Variants in ZNF536 observed in about 807,000 individuals in gnomAD.
ZNF536 encodes zinc finger protein 536.
ZNF536 carries 13 observed loss-of-function variants against 84.5 expected under a neutral mutation model. The observed-to-expected ratio is 0.15, with a 90% CI of 0.10 to 0.24. ZNF536 has a LOEUF of 0.24. Among genes scored for constraint, ZNF536 ranks in the 10% least tolerant of loss-of-function variants. The pLI, the probability that ZNF536 is intolerant of heterozygous loss-of-function variation, is 1.00. For synonymous variants in ZNF536, 811 were observed against 742.5 expected, an observed-to-expected ratio of 1.09 and a Z score of -1.50; for missense variants, 1,536 against 1,747.5, an observed-to-expected ratio of 0.88 and a Z score of 2.16.
intron 1 of ZNF536, among the ~76,000 whole-genome samples, chr19:30,379,424 T>C (rs2048937096): frequency 6.6e-6 from 1 of 152,018 alleles, no homozygotes; most frequent in South Asian, 2.1e-4. Context: ...TGATGTCTTC[T>C]CCACTGAGCC....
intron 2 of ZNF536, among the ~76,000 whole-genome samples, chr19:30,502,013 G>T (rs1276723121): frequency 6.6e-6 from 1 of 152,198 alleles, no homozygotes; most frequent in Non-Finnish European, 1.5e-5. Context: ...GAAACAAGGT[G>T]AGGGAAAGCA....
chr19:30,391,686 T>G (rs2049597302), intron 1 of ZNF536, among the ~76,000 whole-genome samples: 2 of 147,170 alleles, frequency 1.4e-5, no homozygotes, highest in Admixed American at 7.0e-5. Flanking sequence ...CACAGAGCGA[T>G]CTGAGAAAGA....
At chr19:30,647,482 C>G (rs2049520042) in intron 1 of ZNF536, among the ~76,000 whole-genome samples, 1 of 152,196 alleles carries the variant, frequency 6.6e-6, no homozygotes, top group Non-Finnish European at 1.5e-5. Flanking sequence ...TAATTTCTTT[C>G]TCACCTGTTC....
chr19:30,586,340 G>A lies in ZNF536; in HGVS notation c.169+36826G>A, dbSNP rs568087107. 3.2e-4 allele frequency among the ~76,000 whole-genome samples: 48 copies of A among 152,350 alleles called. 1 individual carries two copies. In the South Asian group the frequency reaches 9.7e-3, roughly 31 times the overall value. On this transcript the variant is annotated intron_variant, in intron 1 of 1. Transcript: ENST00000592773. ...CATAAATGGGTCCCAGCATGCGCTG[G>A]TTAGTGAGAATGTGCGGCCACCATG...
rs552191696 is a variant in ZNF536, at chr19:30,697,442, T to C, written c.170-13315T>C. On this transcript the variant is annotated intron_variant, in intron 1 of 1. Coordinates refer to the ZNF536 transcript ENST00000592773. ...GCACGTAGTAGGTGGAGTATTTTAA[T>C]ACTTACAGCCTTTTCTAGCAGACAT... Among the ~76,000 whole-genome samples the C allele has an allele frequency of 2.0e-5, 3 of 152,364 alleles. No homozygotes were observed. In the South Asian group the frequency reaches 6.2e-4, roughly 32 times the overall value.
At chr19:30,664,482 A>G (rs2050246532) in intron 1 of ZNF536, among the ~76,000 whole-genome samples, 1 of 152,114 alleles carries the variant, frequency 6.6e-6, no homozygotes, top group Non-Finnish European at 1.5e-5. Flanking sequence ...AGCAACAGGC[A>G]CTGGTCAGAT....
intron 1 of ZNF536, among the ~76,000 whole-genome samples, chr19:30,617,333 CTTT>C (rs556835599): frequency 8.5e-4 from 32 of 37,692 alleles, no homozygotes; most frequent in South Asian, 2.2e-3. Context: ...GAATAGCTTA[CTTT>C]TTTTTTTTTT....
At chr19:30,457,929 G>C (rs544877197) in intron 2 of ZNF536, among the ~76,000 whole-genome samples, 7 of 152,160 alleles carry the variant, frequency 4.6e-5, no homozygotes, top group African/African-American at 1.4e-4. Flanking sequence ...TCGTGGATAC[G>C]GCCCCTCTTC....
chr19:30,466,886 G>A (rs1421755351), intron 2 of ZNF536, among the ~76,000 whole-genome samples: 1 of 152,102 alleles, frequency 6.6e-6, no homozygotes, highest in African/African-American at 2.4e-5. Flanking sequence ...TGTTGCCTAG[G>A]CTAGAGTGCA....
chr19:30,235,247 T>C (rs2023400553), intron 1 of ZNF536, among the ~76,000 whole-genome samples: 2 of 152,210 alleles, frequency 1.3e-5, no homozygotes, highest in Admixed American at 6.5e-5. Flanking sequence ...TTGCTGCCCA[T>C]GCCTGTGGCA....
chr19:30,693,024 G>C (rs936545569), intron 1 of ZNF536, among the ~76,000 whole-genome samples: 172 of 125,864 alleles, frequency 1.4e-3, no homozygotes, highest in African/African-American at 5.0e-3. Flanking sequence ...ACCTGGGGGG[G>C]AGAGAGAGAG....
chr19:30,505,277 C>A lies in ZNF536; in HGVS notation c.2171-29570C>A, dbSNP rs1313879256. Among the ~76,000 whole-genome samples, 6 of 146,074 alleles carry A rather than the reference C, an allele frequency of 4.1e-5. 1 individual carries two copies. Among genetic ancestry groups the A allele is most frequent in the African/African-American group, 1.5e-4 (6 of 40,168 alleles). On this transcript the variant is annotated intron_variant, in intron 2 of 4. Transcript: ENST00000355537. ...TATATAATACATTACATATTATATA[C>A]TAATAAATATTCTATAAATATATGT...
At chr19:30,342,393 T>G (rs1460142807) in intron 2 of ZNF536, among the ~76,000 whole-genome samples, 2 of 152,146 alleles carry the variant, frequency 1.3e-5, no homozygotes. Context: ...TAAAAAGATA[T>G]TTTCTTGAGA....
chr19:30,271,767 G>T (rs180699345), intron 1 of ZNF536, among the ~76,000 whole-genome samples: 51 of 152,312 alleles, frequency 3.3e-4, no homozygotes, highest in Admixed American at 5.9e-4. Flanking sequence ...CACCTTGTGA[G>T]GTGGAAACGG....
At chr19:30,637,897 T>A (rs1044159344) in intron 1 of ZNF536, among the ~76,000 whole-genome samples, 1 of 152,126 alleles carries the variant, frequency 6.6e-6, no homozygotes, top group South Asian at 2.1e-4. Context: ...CGAGGGTTTT[T>A]TTGCAAAGCT....
At chr19:30,607,353 C>T (rs2047937356) in intron 1 of ZNF536, among the ~76,000 whole-genome samples, 1 of 152,008 alleles carries the variant, frequency 6.6e-6, no homozygotes, top group Admixed American at 6.5e-5. Flanking sequence ...TTATTATTCT[C>T]ATTGTTAATT....
chr19:30,370,247 C>G (rs533187251), upstream of ZNF536, among the ~76,000 whole-genome samples: 1 of 152,138 alleles, frequency 6.6e-6, no homozygotes, highest in African/African-American at 2.4e-5. Flanking sequence ...GAGTGCTATA[C>G]TTTTTAGGGG....
At chr19:30,343,015 G>A (rs1259859746) in intron 2 of ZNF536, among the ~76,000 whole-genome samples, 1 of 152,182 alleles carries the variant, frequency 6.6e-6, no homozygotes, top group East Asian at 1.9e-4. Flanking sequence ...GCCAGGTGAT[G>A]GTCTGGCTGC....
Position 30,652,173 on chromosome 19 carries a change from A to C in ZNF536, c.170-58584A>C, listed in dbSNP as rs575670883. On this transcript the variant is annotated intron_variant, in intron 1 of 1. Transcript: ENST00000592773. The stretch of plus-strand genomic sequence containing the variant: ...TTTTAATGTTCATTATAAAATATGA[A>C]ATATTTCTCAGAACCATTGCAATTA... Among the ~76,000 whole-genome samples the C allele has an allele frequency of 4.6e-5, 7 of 152,346 alleles. No individual in the cohort carries two copies. In the East Asian group the frequency reaches 1.3e-3, roughly 29 times the overall value.
Sources: gnomAD v4.1 joint callset for allele counts (sites outside exome capture counted in the v4.1 genomes callset) on GRCh38, gnomAD v4.1.1 for gene constraint, MANE v1.5 for transcripts, NCBI Gene and HGNC (gene_info 2026-07-23, HGNC 2026-07-21) for gene names.